GOLM2: variants seen among roughly 807,000 people sequenced by gnomAD.
GOLM2 encodes protein GOLM2.
A neutral mutation model predicts 55.9 loss-of-function variants in GOLM2; 26 were observed. That is an observed-to-expected ratio of 0.47 (90% CI 0.34 to 0.65). The LOEUF (loss-of-function observed/expected upper bound fraction) is 0.65. Among genes scored for constraint, GOLM2 ranks in the 30% least tolerant of loss-of-function variants. GOLM2 has a pLI of 0.01. For synonymous variants in GOLM2, 165 were observed against 194.6 expected (o/e 0.85, Z 1.27); for missense variants, 486 against 531.8 (o/e 0.91, Z 0.85).
chr15:44,362,070 A>G (rs1211227925), intron 6 of GOLM2, among the ~76,000 whole-genome samples: 3 of 152,116 alleles, frequency 2.0e-5, no homozygotes, highest in East Asian at 3.9e-4. Context: ...ATCTATGACA[A>G]ACCCACAGCC....
rs1168254787 is a variant in GOLM2, at chr15:44,328,774, T to G, written c.472T>G (p.Leu158Val). 1.9e-6 allele frequency: 3 copies of G among 1,602,616 alleles called. No individual in the cohort carries two copies. Among genetic ancestry groups the G allele is most frequent in the Non-Finnish European group, 2.6e-6 (3 of 1,174,508 alleles). ...RKNNTYLVKRLEYESFQCGQQ... is the reference protein window; with the variant it reads ...RKNNTYLVKRVEYESFQCGQQ... ...GAACAATACTTACCTTGTGAAGAGG[T>G]TAGAATATGAAAGGTAAGATGTTAC... The change falls in exon 3 of 10, where the codon TTA becomes GTA. Residue 158 changes from leucine (L) to valine (V), a missense_variant. By Grantham distance (32) the Leu-to-Val change is conservative (BLOSUM62 1). Transcript: ENST00000299957.
chr15:44,402,366 A>AT (rs2079571105), intron 8 of GOLM2, among the ~76,000 whole-genome samples: 1 of 151,054 alleles, frequency 6.6e-6, no homozygotes, highest in African/African-American at 2.4e-5. Context: ...TAATTTTTGT[A>AT]TTTTTTGTAG....
chr15:44,305,363 G>A (rs1325759018), intron 1 of GOLM2, among the ~76,000 whole-genome samples: 2 of 150,698 alleles, frequency 1.3e-5, no homozygotes, highest in African/African-American at 2.4e-5. Context: ...GCAGTGGTGC[G>A]ATCTCGGCTC....
chr15:44,315,791 G>A (rs945239492), intron 1 of GOLM2, among the ~76,000 whole-genome samples: 1 of 152,122 alleles, frequency 6.6e-6, no homozygotes, highest in Non-Finnish European at 1.5e-5. Context: ...AAAGAAACAA[G>A]TATTACAAAA....
At position 44,321,971 on chromosome 15, in the gene GOLM2, A is replaced by G. The variant is rs140219953; in HGVS notation, c.328-994A>G. On this transcript the variant is annotated intron_variant, in intron 1 of 9. Coordinates refer to ENST00000299957, the MANE Select transcript of GOLM2 (RefSeq NM_138423.4). Reference sequence around the variant, plus strand: ...CTACTTGAGAGCCTGAGATAGGAGGATAGACTTGGGCCCTGGAGGTCAAGG... The same window carrying G: ...CTACTTGAGAGCCTGAGATAGGAGGGTAGACTTGGGCCCTGGAGGTCAAGG... 2.6e-5 allele frequency among the ~76,000 whole-genome samples: 4 copies of G among 152,214 alleles called. No individual in the cohort carries two copies. In the East Asian group the frequency reaches 7.7e-4, roughly 29 times the overall value.
At chr15:44,372,361 AAG>A (rs1486040259) in intron 6 of GOLM2, among the ~76,000 whole-genome samples, 36 of 152,314 alleles carry the variant, frequency 2.4e-4, no homozygotes, top group African/African-American at 8.7e-4. Context: ...AGGAAATTGG[AAG>A]TCTAGACAGT....
rs1174428487 is a variant in GOLM2, at chr15:44,304,886, T to G, written c.327+15530T>G. Among the ~76,000 whole-genome samples, 3 of 152,210 alleles carry G rather than the reference T, an allele frequency of 2.0e-5. No individual in the cohort carries two copies. The East Asian group carries it at 5.8e-4, about 29-fold the overall frequency. ...TAGGTCTCTTGCTATTTGTACCACA[T>G]CTGCAGTTACTTCCTCCACTGAAGT... On this transcript the variant is annotated intron_variant, in intron 1 of 9. Transcript: ENST00000299957.
At chr15:44,411,861 A>G (rs1017846904) in intron 9 of GOLM2, among the ~76,000 whole-genome samples, 4 of 151,812 alleles carry the variant, frequency 2.6e-5, no homozygotes, top group Admixed American at 6.6e-5. Flanking sequence ...CATGTACTCC[A>G]AAGGGACTCT....
intron 6 of GOLM2, among the ~76,000 whole-genome samples, chr15:44,361,313 GAA>G (rs2079236862): frequency 7.3e-6 from 1 of 137,230 alleles, no homozygotes; most frequent in Non-Finnish European, 1.6e-5. Flanking sequence ...GACTAATAAA[GAA>G]AAAAGAGAGA....
chr15:44,312,671 C>T (rs1408098030), intron 1 of GOLM2, among the ~76,000 whole-genome samples: 1 of 152,168 alleles, frequency 6.6e-6, no homozygotes, highest in East Asian at 1.9e-4. Context: ...TCTGGCCTGG[C>T]GCGGTGGCTC....
At chr15:44,296,266 G>A (rs1034003950) in intron 1 of GOLM2, among the ~76,000 whole-genome samples, 1 of 152,134 alleles carries the variant, frequency 6.6e-6, no homozygotes, top group African/African-American at 2.4e-5. Flanking sequence ...AAGCTATGTG[G>A]TCCAGCTGTG....
At chr15:44,297,192 A>G (rs183813692) in intron 1 of GOLM2, among the ~76,000 whole-genome samples, 2 of 152,344 alleles carry the variant, frequency 1.3e-5, no homozygotes, top group African/African-American at 4.8e-5. Flanking sequence ...TGACTGCAGA[A>G]TAGAGAACTT....
At chr15:44,324,583 A>G (rs913240571) in intron 2 of GOLM2, among the ~76,000 whole-genome samples, 1 of 152,130 alleles carries the variant, frequency 6.6e-6, no homozygotes, top group African/African-American at 2.4e-5. Flanking sequence ...AATAGACACT[A>G]AGACACTTGA....
intron 1 of GOLM2, among the ~76,000 whole-genome samples, chr15:44,297,561 TG>T (rs1218827337): frequency 6.6e-5 from 10 of 151,634 alleles, no homozygotes; most frequent in African/African-American, 2.4e-4. Context: ...AATTTTTTTT[TG>T]TTTTTTTTTT....
chr15:44,320,471 T>C (rs1013362823), intron 1 of GOLM2, among the ~76,000 whole-genome samples: 10 of 152,060 alleles, frequency 6.6e-5, no homozygotes, highest in African/African-American at 2.4e-4. Flanking sequence ...GCTAATTTCA[T>C]TTTTTATTTT....
intron 6 of GOLM2, among the ~76,000 whole-genome samples, chr15:44,366,039 T>C (rs2141178620): frequency 6.6e-6 from 1 of 152,260 alleles, no homozygotes; most frequent in African/African-American, 2.4e-5. Flanking sequence ...GGCTCACGCC[T>C]GTAATCCCAG....
At chr15:44,299,433 C>T (rs902536971) in intron 1 of GOLM2, among the ~76,000 whole-genome samples, 1 of 151,958 alleles carries the variant, frequency 6.6e-6, no homozygotes, top group Non-Finnish European at 1.5e-5. Context: ...GCTGGGATTA[C>T]AGGCACGCAC....
chr15:44,378,279 T>C (rs375185262), intron 6 of GOLM2, among the ~76,000 whole-genome samples: 14 of 151,740 alleles, frequency 9.2e-5, no homozygotes, highest in African/African-American at 3.1e-4. Flanking sequence ...TTGGTTTCGA[T>C]TTCCTGACCT....
Position 44,297,760 on chromosome 15 carries a change from C to T in GOLM2, c.327+8404C>T, listed in dbSNP as rs559622958. Among the ~76,000 whole-genome samples, 7 of 150,536 alleles carry T rather than the reference C, an allele frequency of 4.7e-5. No homozygotes were observed. The East Asian group carries it at 1.4e-3, about 30-fold the overall frequency. On this transcript the variant is annotated intron_variant, in intron 1 of 9. Coordinates refer to ENST00000299957, the MANE Select transcript of GOLM2 (RefSeq NM_138423.4). ...TGTATTTTGAGTAGAGAAGGGGTTT[C>T]ACCATGTTAGTCAGGATGGTCTCCA... is the stretch of plus-strand genomic sequence containing the variant.
Sources: allele counts gnomAD v4.1 joint callset (sites outside exome capture counted in the v4.1 genomes callset), GRCh38; gene constraint gnomAD v4.1.1; transcripts MANE v1.5; gene names NCBI Gene and HGNC (gene_info 2026-07-23, HGNC 2026-07-21).